PCCA: variants seen among roughly 807,000 people sequenced by gnomAD.
PCCA encodes the protein propionyl-CoA carboxylase subunit alpha, also known as propionyl-CoA carboxylase alpha chain, mitochondrial.
Under a neutral mutation model 101.3 loss-of-function variants are expected in PCCA, and 74 were observed. The observed-to-expected ratio is 0.73, with a 90% confidence interval of 0.61 to 0.89. PCCA has a LOEUF of 0.89. PCCA is among the 40% of genes least tolerant of loss of function. The pLI, the probability that PCCA is intolerant of heterozygous loss-of-function variation, is 0.00. For synonymous variants in PCCA, 294 were observed against 313.6 expected (o/e 0.94, Z 0.66); for missense variants, 891 against 907.0 (o/e 0.98, Z 0.23).
chr13:100,492,625 C>T (rs541652455), intron 21 of PCCA, among the ~76,000 whole-genome samples: 4 of 151,656 alleles, frequency 2.6e-5, no homozygotes, highest in Admixed American at 6.6e-5. Flanking sequence ...CCTGGAAATC[C>T]GGAGCCCTAA....
intron 4 of PCCA, among the ~76,000 whole-genome samples, chr13:100,140,354 A>G (rs1040097186): frequency 6.6e-6 from 1 of 152,182 alleles, no homozygotes; most frequent in East Asian, 1.9e-4. Flanking sequence ...GCTGGCATCT[A>G]TGTCTGCCTC....
chr13:100,508,301 T>G (rs2086233341), intron 21 of PCCA, among the ~76,000 whole-genome samples: 2 of 152,210 alleles, frequency 1.3e-5, no homozygotes, highest in African/African-American at 4.8e-5. Context: ...TCTTCTGTTT[T>G]GTTGGGATTT....
intron 7 of PCCA, among the ~76,000 whole-genome samples, chr13:100,232,351 C>CGTGT (rs375554722): frequency 0.035 from 4,526 of 131,112 alleles, 131 homozygotes; most frequent in African/African-American, 0.069. Context: ...TGTGTGTATG[C>CGTGT]GTGTGTGTGT....
chr13:100,524,088 C>T (rs1481427071), intron 22 of PCCA, among the ~76,000 whole-genome samples: 6 of 152,302 alleles, frequency 3.9e-5, no homozygotes, highest in Admixed American at 3.9e-4. Context: ...CTACGGTGTG[C>T]GACACATTCT....
rs1286300208 is a variant in PCCA, at chr13:100,330,647, G to A, written c.1516G>A (p.Asp506Asn). The A allele has an allele frequency of 3.7e-6, 6 of 1,607,288 alleles. No individual in the cohort carries two copies. The highest frequency in any genetic ancestry group is 1.7e-5 in the Admixed American group (1 of 60,014). The change falls in exon 17 of 24, where the codon GAT becomes AAT. Residue 506 changes from aspartate (D) to asparagine (N), a missense_variant. By Grantham distance (23) the Asp-to-Asn change is conservative. Coordinates refer to ENST00000376285, the MANE Select transcript of PCCA (RefSeq NM_000282.4). ...KGDISTKFLS[D>N]VYPDGFKGHM... ...AGACATCAGCACTAAATTTCTCTCCGATGTGTATCCTGATGGCTTCAAAGG... is the reference window on the plus strand; with the variant it reads ...AGACATCAGCACTAAATTTCTCTCCAATGTGTATCCTGATGGCTTCAAAGG...
intron 4 of PCCA, among the ~76,000 whole-genome samples, chr13:100,147,782 T>C (rs1479239708): frequency 6.6e-6 from 1 of 152,162 alleles, no homozygotes; most frequent in Non-Finnish European, 1.5e-5. Context: ...TATTATTTAT[T>C]TCTTTTTTTA....
At chr13:100,184,272 TC>T (rs2152435033) in intron 6 of PCCA, among the ~76,000 whole-genome samples, 1 of 152,334 alleles carries the variant, frequency 6.6e-6, no homozygotes, top group African/African-American at 2.4e-5. Flanking sequence ...CCATAGGAGT[TC>T]CTGTCTCTTG....
chr13:100,125,103 T>A (rs1018319704), intron 4 of PCCA, among the ~76,000 whole-genome samples: 1 of 151,332 alleles, frequency 6.6e-6, no homozygotes. Flanking sequence ...TTTTTTGGGG[T>A]GTTAACTGAA....
intron 6 of PCCA, among the ~76,000 whole-genome samples, chr13:100,162,567 C>G (rs1441470824): frequency 6.6e-6 from 1 of 152,204 alleles, no homozygotes; most frequent in African/African-American, 2.4e-5. Flanking sequence ...CTGCTTCCTT[C>G]CCCTCTTCCC....
intron 9 of PCCA, among the ~76,000 whole-genome samples, chr13:100,260,646 C>G (rs1454955397): frequency 1.3e-5 from 2 of 152,082 alleles, no homozygotes; most frequent in Non-Finnish European, 2.9e-5. Context: ...ATCCACCCGC[C>G]TCAGCCTCCC....
intron 16 of PCCA, among the ~76,000 whole-genome samples, chr13:100,327,858 G>A (rs988776570): frequency 6.6e-6 from 1 of 152,020 alleles, no homozygotes; most frequent in African/African-American, 2.4e-5. Flanking sequence ...TTTTTACTTG[G>A]TGTGTTTTTT....
intron 22 of PCCA, among the ~76,000 whole-genome samples, chr13:100,519,016 A>G (rs2087035891): frequency 6.6e-6 from 1 of 152,254 alleles, no homozygotes; most frequent in South Asian, 2.1e-4. Flanking sequence ...TTTGAAGTCA[A>G]ATAAAGTCAT....
At chr13:100,352,156 T>C (rs887272633) in intron 18 of PCCA, among the ~76,000 whole-genome samples, 4 of 152,206 alleles carry the variant, frequency 2.6e-5, no homozygotes, top group Middle Eastern at 3.4e-3. Context: ...TAGATGTAAA[T>C]CCTACCTGAT....
intron 7 of PCCA, among the ~76,000 whole-genome samples, chr13:100,222,761 A>C (rs1011077722): frequency 6.6e-6 from 1 of 152,180 alleles, no homozygotes; most frequent in African/African-American, 2.4e-5. Context: ...CTTGATAACT[A>C]TATTCTATTT....
At chr13:100,304,052 G>A (rs953250117) in intron 14 of PCCA, among the ~76,000 whole-genome samples, 1 of 152,194 alleles carries the variant, frequency 6.6e-6, no homozygotes, top group African/African-American at 2.4e-5. Flanking sequence ...CTAACAGGAT[G>A]TCAAACATTT....
chr13:100,492,959 G>A lies in PCCA; in HGVS notation c.1900-22468G>A, dbSNP rs1467697739. Among the ~76,000 whole-genome samples, 3 of 151,730 alleles carry A rather than the reference G, an allele frequency of 2.0e-5. No homozygotes were observed. The East Asian group carries it at 5.9e-4, about 30-fold the overall frequency. On this transcript the variant is annotated intron_variant, in intron 21 of 23. Coordinates refer to ENST00000376285, the MANE Select transcript of PCCA (RefSeq NM_000282.4). ...AATCCTCACATTCACCATCCTTCAAGTCTGGGTGACCTGATTCTTCCTGAA... is the reference window on the plus strand; with the variant it reads ...AATCCTCACATTCACCATCCTTCAAATCTGGGTGACCTGATTCTTCCTGAA...
chr13:100,236,038 A>T (rs1422923465), intron 8 of PCCA, among the ~76,000 whole-genome samples, 160 bp downstream of exon 8: 3 of 152,222 alleles, frequency 2.0e-5, no homozygotes, highest in Admixed American at 6.5e-5. Context: ...GAATTGCCAA[A>T]TTCTATTATT....
Position 100,440,206 on chromosome 13 carries a change from ATAT to A in PCCA, c.1846-9045_1846-9043del, listed in dbSNP as rs1566308598. Among the ~76,000 whole-genome samples, 45 of 113,060 alleles carry A rather than the reference ATAT, an allele frequency of 4.0e-4. 1 individual carries two copies. The highest frequency in any genetic ancestry group is 6.7e-4 in the Non-Finnish European group (38 of 56,690). 74.2% of individuals were successfully genotyped at this position (113,060 alleles called of 152,430 possible). On this transcript the variant is annotated intron_variant, in intron 20 of 23. Coordinates refer to ENST00000376285, the MANE Select transcript of PCCA (RefSeq NM_000282.4). ...TATATATATATATATATATATATATATATAAAACGTGATAACTTAAAATGCCCA... is the reference window on the plus strand; with the variant it reads ...TATATATATATATATATATATATATAAAAACGTGATAACTTAAAATGCCCA...
intron 19 of PCCA, among the ~76,000 whole-genome samples, chr13:100,396,064 A>T (rs536836149): frequency 6.6e-6 from 1 of 152,348 alleles, no homozygotes; most frequent in South Asian, 2.1e-4. Context: ...GTAGAGAAAC[A>T]ATAATTTAAC....
Sources: allele counts gnomAD v4.1 joint callset (sites outside exome capture counted in the v4.1 genomes callset), GRCh38; gene constraint gnomAD v4.1.1; transcripts MANE v1.5; gene names NCBI Gene and HGNC (gene_info 2026-07-23, HGNC 2026-07-21).